Variants in PREX1 observed in about 807,000 individuals in gnomAD.
PREX1 encodes the protein phosphatidylinositol 3,4,5-trisphosphate-dependent Rac exchanger 1 protein.
Under a neutral mutation model 198.3 loss-of-function variants are expected in PREX1, and 41 were observed. That is an observed-to-expected ratio of 0.21 (90% confidence interval 0.16 to 0.27). The LOEUF (loss-of-function observed/expected upper bound fraction) is 0.27, where lower values mean the gene tolerates loss of function less well. Among genes scored for constraint, PREX1 ranks in the 10% least tolerant of loss-of-function variants. PREX1 has a pLI of 1.00. For synonymous variants in PREX1, 843 were observed against 887.2 expected (o/e 0.95, Z 0.89); for missense variants, 1,620 against 2,200.7 (o/e 0.74, Z 5.28).
At chr20:48,758,577 C>T (rs1420878661) in intron 1 of PREX1, among the ~76,000 whole-genome samples, 1 of 152,214 alleles carries the variant, frequency 6.6e-6, no homozygotes, top group Non-Finnish European at 1.5e-5. Flanking sequence ...CCTGTTAAAA[C>T]ACCAAAATAC....
the PREX1 span, among the ~76,000 whole-genome samples, chr20:48,855,287 C>T: frequency 6.6e-6 from 1 of 152,084 alleles, no homozygotes; most frequent in East Asian, 1.9e-4. Flanking sequence ...AAAGAAAGTG[C>T]CTATATCTTG....
In PREX1 at chr20:48,660,006, G is replaced by A. The variant is rs371855166; in HGVS notation, c.1794C>T (p.Asp598=). 44 of 1,614,156 alleles carry A rather than the reference G, an allele frequency of 2.7e-5. No individual in the cohort carries two copies. The highest frequency in any genetic ancestry group is 2.2e-4 in the East Asian group (10 of 44,880). The change falls in exon 16 of 40, where the codon GAC becomes GAT. Residue 598 remains aspartate (D), a synonymous_variant. Coordinates refer to ENST00000371941, the MANE Select transcript of PREX1 (RefSeq NM_020820.4). ...DESQYFRFHA[D]EEMEGTSSKN... is the part of the protein sequence containing the mutation. ...TGCTGCTGGTCCCCTCCATCTCCTCGTCAGCATGAAAGCGGAAGTACTGGG... is the reference window on the plus strand; with the variant it reads ...TGCTGCTGGTCCCCTCCATCTCCTCATCAGCATGAAAGCGGAAGTACTGGG...
intron 25 of PREX1, among the ~76,000 whole-genome samples, chr20:48,647,312 A>G (rs1349283640): frequency 6.6e-6 from 1 of 152,012 alleles, no homozygotes; most frequent in African/African-American, 2.4e-5. Context: ...CACGAGATCA[A>G]GAGATCAAGA....
chr20:48,838,005 G>T, the PREX1 span, among the ~76,000 whole-genome samples: 17,996 of 152,232 alleles, frequency 0.12, 1,365 homozygotes, highest in Non-Finnish European at 0.16. Flanking sequence ...ATGTAGGTAT[G>T]ATTCCATTTA....
At chr20:48,647,976 G>C (rs992262947) in intron 25 of PREX1, among the ~76,000 whole-genome samples, 1 of 152,180 alleles carries the variant, frequency 6.6e-6, no homozygotes, top group Non-Finnish European at 1.5e-5. Flanking sequence ...TGCAATCATG[G>C]CTTACTGCAG....
chr20:48,692,785 G>C lies in PREX1; in HGVS notation c.923C>G (p.Thr308Ser). 2 of 1,613,600 alleles carry C rather than the reference G, an allele frequency of 1.2e-6. No individual in the cohort carries two copies. Among genetic ancestry groups the C allele is most frequent in the South Asian group, 1.1e-5 (1 of 91,036 alleles). The change falls in exon 8 of 40, where the codon ACC becomes AGC. Residue 308 changes from threonine (T) to serine (S), a missense_variant. Physicochemically the swap from Thr to Ser is moderately conservative, Grantham distance 58 (BLOSUM62 1). This residue lies in a region of PREX1 where 488 missense variants were observed against 802.5 expected (regional missense o/e 0.61). Transcript: ENST00000371941. Reference protein sequence around the residue: ...LVYCKRKSRVTGSKKSTKRTK... With the variant: ...LVYCKRKSRVSGSKKSTKRTK... ...CCTCTTGGTGGACTTCTTGCTCCCG[G>C]TGACCCTGATAGACAGTGAGAAGTC... is the stretch of plus-strand genomic sequence containing the variant.
chr20:48,845,243 CAATT>C, the PREX1 span, among the ~76,000 whole-genome samples: 1 of 152,192 alleles, frequency 6.6e-6, no homozygotes, highest in African/African-American at 2.4e-5. Context: ...AGATATTAAA[CAATT>C]AACCCATAAC....
At chr20:48,787,592 T>C (rs2090319153) in intron 1 of PREX1, among the ~76,000 whole-genome samples, 1 of 149,108 alleles carries the variant, frequency 6.7e-6, no homozygotes. Flanking sequence ...AAAACCCTCG[T>C]CTTCCCCCTT....
chr20:48,797,940 C>T (rs2090370501), intron 1 of PREX1, among the ~76,000 whole-genome samples: 1 of 152,206 alleles, frequency 6.6e-6, no homozygotes, highest in Non-Finnish European at 1.5e-5. Flanking sequence ...CCTTCTTGTC[C>T]CCATTCAAGG....
chr20:48,730,812 T>C (rs2090031742), intron 4 of PREX1, among the ~76,000 whole-genome samples: 1 of 151,568 alleles, frequency 6.6e-6, no homozygotes, highest in Non-Finnish European at 1.5e-5. Context: ...CTGGGTAACA[T>C]AGCAAGACCC....
At chr20:48,862,705 C>T in the PREX1 span, among the ~76,000 whole-genome samples, 1 of 146,356 alleles carries the variant, frequency 6.8e-6, no homozygotes, top group Non-Finnish European at 1.5e-5. Flanking sequence ...AAATTGGAAA[C>T]AACACTGCCT....
intron 1 of PREX1, among the ~76,000 whole-genome samples, chr20:48,769,740 C>T (rs1249529347): frequency 1.3e-5 from 2 of 152,238 alleles, no homozygotes; most frequent in African/African-American, 2.4e-5. Flanking sequence ...TCTGCTCAAA[C>T]GTCACCTCCT....
chr20:48,679,775 G>A (rs757637017), intron 11 of PREX1, 21 bp from the exon 12 acceptor site: 17 of 1,579,022 alleles, frequency 1.1e-5, no homozygotes, highest in Non-Finnish European at 1.4e-5. Flanking sequence ...AGGAGGACCT[G>A]TGACGCTGGG....
At chr20:48,833,065 T>C in the PREX1 span, among the ~76,000 whole-genome samples, 1 of 152,356 alleles carries the variant, frequency 6.6e-6, no homozygotes, top group East Asian at 1.9e-4. Flanking sequence ...ACTTAACCTC[T>C]CTGGGCTTCA....
rs748847563 is a variant in PREX1 at position 48,657,146 on chromosome 20, C to G, written c.2017G>C (p.Glu673Gln). ...AACGGCCGCAGGAACACCAGGTCCTCATTGATGGAGTAGATCTTCCTCCCC... is the reference window on the plus strand; with the variant it reads ...AACGGCCGCAGGAACACCAGGTCCTGATTGATGGAGTAGATCTTCCTCCCC... ...QVGRKIYSIN[E>Q]DLVFLRPFSE... The change falls in exon 18 of 40, where the codon GAG (glutamate) becomes CAG (glutamine). Residue 673 changes from glutamate to glutamine, a missense_variant. By Grantham distance (29) the Glu-to-Gln change is conservative. Transcript: ENST00000371941. 62 of 1,613,496 alleles carry G rather than the reference C, an allele frequency of 3.8e-5. No individual in the cohort carries two copies. The Middle Eastern group carries it at 6.6e-4, about 17-fold the overall frequency.
chr20:48,831,458 G>A (rs540208760), upstream of PREX1, among the ~76,000 whole-genome samples: 8 of 152,188 alleles, frequency 5.3e-5, no homozygotes, highest in Non-Finnish European at 1.2e-4. Flanking sequence ...CATTGGGCGG[G>A]GTCCTGAGGC....
chr20:48,652,946 C>T (rs547088747), intron 20 of PREX1, among the ~76,000 whole-genome samples: 7 of 152,296 alleles, frequency 4.6e-5, no homozygotes, highest in Admixed American at 1.3e-4. Flanking sequence ...TACAAACATG[C>T]CTGGTGCACA....
chr20:48,774,834 T>C (rs1453832093), intron 1 of PREX1, among the ~76,000 whole-genome samples: 1 of 152,216 alleles, frequency 6.6e-6, no homozygotes, highest in Non-Finnish European at 1.5e-5. Context: ...CCACAGAGAT[T>C]TTCCATCAGG....
chr20:48,887,901 G>C, the PREX1 span, among the ~76,000 whole-genome samples: 519 of 152,020 alleles, frequency 3.4e-3, 3 homozygotes, highest in Admixed American at 5.2e-3. Context: ...AGTGAGCCGA[G>C]ATCACGCCGC....
Sources: gnomAD v4.1 joint callset for allele counts (sites outside exome capture counted in the v4.1 genomes callset) on GRCh38, gnomAD v4.1.1 for gene constraint, gnomAD v4.1.1 regional missense constraint, MANE v1.5 for transcripts, NCBI Gene and HGNC (gene_info 2026-07-23, HGNC 2026-07-21) for gene names.